The following CSMD3 variants were observed in gnomAD, a reference collection of about 807,000 sequenced individuals.
CSMD3 encodes the protein CUB and sushi domain-containing protein 3.
A neutral mutation model predicts 435.2 loss-of-function variants in CSMD3; 177 were observed. That is an observed-to-expected ratio of 0.41 (90% CI 0.36 to 0.46). The LOEUF is 0.46. CSMD3 is among the 20% of genes least tolerant of loss of function. The pLI, the probability that CSMD3 is intolerant of heterozygous loss-of-function variation, is 0.34. For missense variants in CSMD3, 4,265 were observed against 4,504.6 expected (o/e 0.95, Z 1.52); for synonymous variants, 1,656 against 1,520.5 (o/e 1.09, Z -2.07).
chr8:112,595,241 G>T (rs1035830057), intron 22 of CSMD3, among the ~76,000 whole-genome samples: 1 of 151,850 alleles, frequency 6.6e-6, no homozygotes, highest in Non-Finnish European at 1.5e-5. Flanking sequence ...GAGTCGATGC[G>T]ATCAACTGGA....
intron 4 of CSMD3, among the ~76,000 whole-genome samples, chr8:113,163,322 A>T (rs930045090): frequency 1.3e-5 from 2 of 152,026 alleles, no homozygotes; most frequent in African/African-American, 2.4e-5. Flanking sequence ...AGAAAAAAAA[A>T]TTTGATGGAA....
At chr8:112,980,974 T>G (rs548043938) in intron 6 of CSMD3, among the ~76,000 whole-genome samples, 1 of 151,484 alleles carries the variant, frequency 6.6e-6, no homozygotes, top group Non-Finnish European at 1.5e-5. Flanking sequence ...GTTTTACCTT[T>G]GATTAACTGT....
chr8:113,262,147 C>A (rs1224775696), intron 3 of CSMD3, among the ~76,000 whole-genome samples: 1 of 151,832 alleles, frequency 6.6e-6, no homozygotes, highest in Non-Finnish European at 1.5e-5. Flanking sequence ...CAAATGAAGC[C>A]ATTTGAAGCA....
chr8:112,443,113 G>A (rs1165214343), intron 32 of CSMD3, among the ~76,000 whole-genome samples: 2 of 152,082 alleles, frequency 1.3e-5, no homozygotes, highest in East Asian at 1.9e-4. Context: ...ACTTAGGTAT[G>A]GATTTGGTTA....
At chr8:112,254,672 A>G (rs1228797685) in intron 62 of CSMD3, among the ~76,000 whole-genome samples, 2 of 152,084 alleles carry the variant, frequency 1.3e-5, no homozygotes, top group African/African-American at 4.8e-5. Flanking sequence ...ACCTTGCTAA[A>G]CTATGATTTG....
intron 10 of CSMD3, among the ~76,000 whole-genome samples, chr8:112,865,686 C>CACACACACACA (rs1564039948): frequency 2.3e-5 from 1 of 43,122 alleles, no homozygotes; most frequent in Admixed American, 1.9e-4. Flanking sequence ...TTTACATACC[C>CACACACACACA]CACACACACA....
At chr8:112,855,199 C>G (rs2080612161) in intron 11 of CSMD3, among the ~76,000 whole-genome samples, 2 of 152,098 alleles carry the variant, frequency 1.3e-5, no homozygotes, top group African/African-American at 4.8e-5. Flanking sequence ...AGCTCACATT[C>G]CATTTGTATC....
chr8:112,255,623 TA>T (rs1488034263), intron 61 of CSMD3, 196 bp from the exon 62 acceptor site: 4 of 574,156 alleles, frequency 7.0e-6, no homozygotes, highest in Non-Finnish European at 1.2e-5. Flanking sequence ...GTATAATATT[TA>T]AAAATTAGCT....
intron 37 of CSMD3, among the ~76,000 whole-genome samples, chr8:112,382,291 C>CAAAAAAAAAAAAAAA (rs11384093): frequency 8.6e-5 from 10 of 116,760 alleles, no homozygotes; most frequent in South Asian, 3.0e-4. Flanking sequence ...CTCTAAAATG[C>CAAAAAAAAAAAAAAA]AAAAAAAAAA....
intron 1 of CSMD3, among the ~76,000 whole-genome samples, chr8:113,333,706 C>A (rs1433177707): frequency 1.3e-5 from 2 of 151,810 alleles, no homozygotes; most frequent in African/African-American, 4.8e-5. Flanking sequence ...ATCAACCATA[C>A]TAAATCTTCC....
intron 2 of CSMD3, among the ~76,000 whole-genome samples, chr8:113,285,665 C>A (rs1276184189): frequency 6.6e-6 from 1 of 152,068 alleles, no homozygotes; most frequent in Non-Finnish European, 1.5e-5. Context: ...AGACGAACAT[C>A]CTGGAATCAT....
chr8:112,609,822 A>G (rs1833115766), intron 22 of CSMD3, among the ~76,000 whole-genome samples: 1 of 152,182 alleles, frequency 6.6e-6, no homozygotes, highest in South Asian at 2.1e-4. Flanking sequence ...ATTATTCAAT[A>G]TGGAATATTA....
chr8:112,431,501 G>C (rs1325846109), intron 32 of CSMD3, among the ~76,000 whole-genome samples: 1 of 152,034 alleles, frequency 6.6e-6, no homozygotes, highest in Non-Finnish European at 1.5e-5. Flanking sequence ...TAATGACTTA[G>C]AGAAAAGGGC....
intron 13 of CSMD3, among the ~76,000 whole-genome samples, chr8:112,747,828 T>G (rs2077470091): frequency 6.6e-6 from 1 of 151,840 alleles, no homozygotes; most frequent in Non-Finnish European, 1.5e-5. Context: ...CCGGGCGCAG[T>G]GGCGGGCGCC....
At chr8:112,966,862 G>A (rs558916135) in intron 7 of CSMD3, among the ~76,000 whole-genome samples, 1 of 151,896 alleles carries the variant, frequency 6.6e-6, no homozygotes, top group Admixed American at 6.6e-5. Flanking sequence ...TCACTCGTAT[G>A]GAATAAAGTT....
At chr8:113,135,051 C>G (rs1244757383) in intron 4 of CSMD3, among the ~76,000 whole-genome samples, 2 of 151,964 alleles carry the variant, frequency 1.3e-5, no homozygotes, top group East Asian at 3.9e-4. Context: ...ATTTAATCAC[C>G]TCTTAAAGGC....
chr8:112,322,167 T>C (rs951760262), intron 45 of CSMD3, among the ~76,000 whole-genome samples: 5 of 152,136 alleles, frequency 3.3e-5, no homozygotes, highest in African/African-American at 1.2e-4. Flanking sequence ...GAAGTTATTT[T>C]AATCTTCATG....
At chr8:112,507,648 A>G (rs1007873145) in intron 28 of CSMD3, among the ~76,000 whole-genome samples, 2 of 152,176 alleles carry the variant, frequency 1.3e-5, no homozygotes, top group African/African-American at 2.4e-5. Flanking sequence ...AAATATGAGC[A>G]TTCAGTTATA....
intron 13 of CSMD3, among the ~76,000 whole-genome samples, chr8:112,730,973 C>T (rs183234692): frequency 2.3e-4 from 35 of 152,172 alleles, no homozygotes; most frequent in African/African-American, 7.7e-4. Context: ...AGAATGAAAG[C>T]AAACAAACAA....
Sources: allele counts gnomAD v4.1 joint callset (sites outside exome capture counted in the v4.1 genomes callset), GRCh38; gene constraint gnomAD v4.1.1; transcripts MANE v1.5; gene names NCBI Gene and HGNC (gene_info 2026-07-23, HGNC 2026-07-21).